The following GSK3B variants were observed in gnomAD, a reference collection of about 807,000 sequenced individuals.
GSK3B encodes glycogen synthase kinase-3 beta.
GSK3B carries 15 observed loss-of-function variants against 56.4 expected under a neutral mutation model. The observed-to-expected ratio is 0.27, with a 90% CI of 0.18 to 0.41. The LOEUF is 0.41. Among genes scored for constraint, GSK3B ranks in the 10% least tolerant of loss-of-function variants. The pLI, the probability that GSK3B is intolerant of heterozygous loss-of-function variation, is 1.00. For missense variants in GSK3B, 300 were observed against 513.4 expected (o/e 0.58, Z 4.02); for synonymous variants, 181 against 188.9 (o/e 0.96, Z 0.34).
chr3:119,988,599 T>C (rs2057537018), intron 2 of GSK3B, among the ~76,000 whole-genome samples: 1 of 152,218 alleles, frequency 6.6e-6, no homozygotes, highest in African/African-American at 2.4e-5. Context: ...ACACAGTCCC[T>C]GTACAGGGTT....
intron 1 of GSK3B, among the ~76,000 whole-genome samples, chr3:120,033,131 T>A (rs2057992274): frequency 2.0e-5 from 3 of 152,236 alleles, no homozygotes; most frequent in African/African-American, 7.2e-5. Context: ...TTGGCTTCTT[T>A]TACTTAGAAT....
At chr3:120,050,650 G>T (rs1417971650) in intron 1 of GSK3B, among the ~76,000 whole-genome samples, 1 of 152,082 alleles carries the variant, frequency 6.6e-6, no homozygotes, top group East Asian at 1.9e-4. Flanking sequence ...GGAAGAAGAA[G>T]AATATAGAGG....
intron 1 of GSK3B, among the ~76,000 whole-genome samples, chr3:120,033,061 A>C (rs1201136436): frequency 3.9e-5 from 6 of 152,164 alleles, no homozygotes; most frequent in Non-Finnish European, 8.8e-5. Flanking sequence ...TTCTGTCTAC[A>C]GATTTGCCTA....
chr3:119,862,543 A>AG (rs2078573405), intron 9 of GSK3B, among the ~76,000 whole-genome samples: 1 of 147,282 alleles, frequency 6.8e-6, no homozygotes, highest in Admixed American at 6.8e-5. Context: ...AAAAAAAAAA[A>AG]GAAAGATATG....
chr3:119,824,887 TCA>T lies in GSK3B; in HGVS notation c.*1899_*1900del, dbSNP rs562276586. The T allele has an allele frequency of 5.6e-4, 102 of 180,798 alleles. 1 individual carries two copies. The East Asian group carries it at 9.1e-3, about 16-fold the overall frequency. The allele number at this position is 180,798 out of a possible 1,614,324, so 11.2% of individuals were successfully genotyped here. ...CAGGCAGGACAACTCTCTTGGAGAG[TCA>T]CACACACAGTTAAGGAGCAGGACAG... On this transcript the variant is annotated 3_prime_UTR_variant, in exon 11 of 11. Transcript: ENST00000264235.
chr3:120,076,706 C>T (rs994335102), intron 1 of GSK3B, among the ~76,000 whole-genome samples: 7 of 148,946 alleles, frequency 4.7e-5, no homozygotes, highest in East Asian at 2.0e-4. Flanking sequence ...CCCAGCTACA[C>T]GGGAGGCTGA....
At chr3:119,836,636 T>C (rs1422512501) in intron 10 of GSK3B, among the ~76,000 whole-genome samples, 1 of 152,160 alleles carries the variant, frequency 6.6e-6, no homozygotes, top group Non-Finnish European at 1.5e-5. Context: ...AAAGTTTTCT[T>C]AAAACAATGA....
intron 1 of GSK3B, among the ~76,000 whole-genome samples, chr3:120,064,480 A>C (rs1447469615): frequency 6.6e-6 from 1 of 152,144 alleles, no homozygotes; most frequent in Non-Finnish European, 1.5e-5. Context: ...CAAAACTTGA[A>C]AACTACAAAA....
intron 2 of GSK3B, among the ~76,000 whole-genome samples, chr3:119,948,855 C>T (rs755339932): frequency 5.3e-5 from 8 of 152,202 alleles, no homozygotes; most frequent in South Asian, 2.1e-4. Flanking sequence ...CCTGCCACCA[C>T]GCCCAGCTAA....
intron 2 of GSK3B, among the ~76,000 whole-genome samples, chr3:119,977,240 ACT>A (rs538034540): frequency 2.3e-4 from 35 of 152,026 alleles, no homozygotes; most frequent in African/African-American, 8.2e-4. Context: ...TCCTTAAGAA[ACT>A]CTGTATGAAA....
At chr3:120,036,081 C>T (rs972427485) in intron 1 of GSK3B, among the ~76,000 whole-genome samples, 1 of 152,158 alleles carries the variant, frequency 6.6e-6, no homozygotes, top group Admixed American at 6.5e-5. Flanking sequence ...AATATTTTGC[C>T]ATTAACTATG....
chr3:120,042,026 C>T (rs775448964), intron 1 of GSK3B, among the ~76,000 whole-genome samples: 3 of 152,140 alleles, frequency 2.0e-5, no homozygotes, highest in Non-Finnish European at 2.9e-5. Flanking sequence ...ACAGTAAGGT[C>T]AAAACCTTGT....
chr3:120,059,257 A>G (rs1013733148), intron 1 of GSK3B, among the ~76,000 whole-genome samples: 2 of 152,162 alleles, frequency 1.3e-5, no homozygotes, highest in African/African-American at 4.8e-5. Flanking sequence ...AAACCTCAAA[A>G]AGCAGCACTC....
intron 10 of GSK3B, among the ~76,000 whole-genome samples, chr3:119,841,654 CAAAT>C (rs2055773683): frequency 6.6e-6 from 1 of 152,012 alleles, no homozygotes. Flanking sequence ...AAAGTACAGA[CAAAT>C]AAAGACAAGT....
intron 2 of GSK3B, among the ~76,000 whole-genome samples, chr3:119,985,363 A>G (rs2107458296): frequency 6.6e-6 from 1 of 152,314 alleles, no homozygotes; most frequent in East Asian, 1.9e-4. Flanking sequence ...AAAGAAATAA[A>G]GGGCATTCAA....
chr3:119,961,294 C>T (rs2107505826), intron 2 of GSK3B, among the ~76,000 whole-genome samples: 1 of 152,258 alleles, frequency 6.6e-6, no homozygotes, highest in East Asian at 1.9e-4. Flanking sequence ...TATATAACAA[C>T]AGCACTAATC....
At chr3:120,046,365 T>C (rs1015867138) in intron 1 of GSK3B, among the ~76,000 whole-genome samples, 4 of 152,006 alleles carry the variant, frequency 2.6e-5, no homozygotes, top group African/African-American at 9.7e-5. Context: ...CCGGGAAAAA[T>C]GTACCACACC....
At position 120,058,782 on chromosome 3, in the gene GSK3B, G is replaced by T. The variant is rs983842832; in HGVS notation, c.88+34565C>A. On this transcript the variant is annotated intron_variant, in intron 1 of 10. Transcript: ENST00000264235. ...CCCAGCACTTTGGGAGGCCAAGGTG[G>T]GCAGATTACCTGAGCTCAGGAGTTC... 2.0e-5 allele frequency among the ~76,000 whole-genome samples: 3 copies of T among 152,058 alleles called. No homozygotes were observed. The South Asian group carries it at 6.2e-4, about 32-fold the overall frequency.
At chr3:119,844,686 A>G (rs2055831737) in intron 9 of GSK3B, among the ~76,000 whole-genome samples, 1 of 152,218 alleles carries the variant, frequency 6.6e-6, no homozygotes, top group Admixed American at 6.5e-5. Context: ...TACCAACAAA[A>G]AAAGCCCAAG....
Sources: gnomAD v4.1 joint callset for allele counts (sites outside exome capture counted in the v4.1 genomes callset) on GRCh38, gnomAD v4.1.1 for gene constraint, MANE v1.5 for transcripts, NCBI Gene and HGNC (gene_info 2026-07-23, HGNC 2026-07-21) for gene names.